YAE1: variants seen among roughly 807,000 people sequenced by gnomAD.
The protein encoded by YAE1 is YAE1 maturation factor of ABCE1.
In YAE1, 22 loss-of-function variants were observed where a neutral mutation model predicts 23.0. The ratio of observed to expected loss-of-function variants is 0.96; its 90% CI spans 0.68 to 1.37. The LOEUF (loss-of-function observed/expected upper bound fraction) is 1.37, where lower values mean the gene tolerates loss of function less well. Among genes scored for constraint, YAE1 ranks in the 40% most tolerant of loss-of-function variants. The pLI is 0.00. For missense variants in YAE1, 260 were observed against 262.1 expected (o/e 0.99, Z 0.06); for synonymous variants, 101 against 97.0 (o/e 1.04, Z -0.24).
At chr7:39,610,523 C>T (rs1440364313), downstream of YAE1, among the ~76,000 whole-genome samples, 1 of 152,122 alleles carries the variant, frequency 6.6e-6, no homozygotes, top group Admixed American at 6.5e-5. Context: ...TTTTTCCAAA[C>T]AAAAATACCT....
chr7:39,583,236 T>G (rs573604983), intron 2 of YAE1, among the ~76,000 whole-genome samples: 5 of 152,350 alleles, frequency 3.3e-5, no homozygotes, highest in South Asian at 4.1e-4. Flanking sequence ...ATAAAATGTA[T>G]ACATGTGGAC....
chr7:39,570,902 G>T (rs1790554434), intron 2 of YAE1: 2 of 314,250 alleles, frequency 6.4e-6, no homozygotes, highest in South Asian at 6.5e-5. Context: ...TCATTGAAAG[G>T]TCTTCAGATT....
At position 39,567,852 on chromosome 7, in the gene YAE1, C is replaced by G. The variant is rs534046482; in HGVS notation, c.129+1305C>G. On this transcript the variant is annotated intron_variant, in intron 1 of 2. Transcript: ENST00000223273. ...CAGAAATTGTCTACTACATAATGGT[C>G]AGTTGATTCATTGTATTTATGGTTT... Among the ~76,000 whole-genome samples, 13 of 152,214 alleles carry G rather than the reference C, an allele frequency of 8.5e-5. No individual in the cohort carries two copies. The South Asian group carries it at 2.7e-3, about 32-fold the overall frequency.
chr7:39,586,784 A>G (rs920751271), intron 2 of YAE1, among the ~76,000 whole-genome samples: 3 of 152,126 alleles, frequency 2.0e-5, no homozygotes, highest in African/African-American at 7.2e-5. Flanking sequence ...GGCGTGAGCC[A>G]CTGCAGTCGG....
chr7:39,607,203 C>T (rs1217439474), intron 2 of YAE1, among the ~76,000 whole-genome samples: 2 of 152,058 alleles, frequency 1.3e-5, no homozygotes, highest in Admixed American at 6.6e-5. Flanking sequence ...TCACTGTGGT[C>T]GATAGAATAA....
At chr7:39,598,144 C>G (rs998719443) in intron 2 of YAE1, among the ~76,000 whole-genome samples, 2 of 151,892 alleles carry the variant, frequency 1.3e-5, no homozygotes, top group East Asian at 3.9e-4. Flanking sequence ...GAGCCTCACT[C>G]TGTCACCCAG....
downstream of YAE1, among the ~76,000 whole-genome samples, chr7:39,575,991 ACT>A (rs1458009258): frequency 3.9e-5 from 6 of 152,034 alleles, no homozygotes; most frequent in East Asian, 7.7e-4. Flanking sequence ...ACTCTCCCCG[ACT>A]CTGACTGCTG....
exon 3 of YAE1, chr7:39,609,832 G>T: frequency 6.5e-7 from 1 of 1,533,004 alleles, no homozygotes; most frequent in Non-Finnish European, 8.7e-7. Flanking sequence ...CGGGCCCCAG[G>T]CCCTGGGACG....
At chr7:39,571,910 A>G (rs1790573744) in intron 2 of YAE1, among the ~76,000 whole-genome samples, 1 of 152,200 alleles carries the variant, frequency 6.6e-6, no homozygotes, top group Admixed American at 6.5e-5. Context: ...ACTTAAAAAA[A>G]AGATACCCCC....
chr7:39,575,390 C>T (rs1272762665), downstream of YAE1, among the ~76,000 whole-genome samples: 1 of 152,100 alleles, frequency 6.6e-6, no homozygotes, highest in Non-Finnish European at 1.5e-5. Context: ...TGCGTCCTTA[C>T]CTAATATATA....
intron 2 of YAE1, among the ~76,000 whole-genome samples, chr7:39,604,175 G>A (rs568633070): frequency 6.6e-6 from 1 of 152,290 alleles, no homozygotes; most frequent in East Asian, 1.9e-4. Context: ...AGCTGTGCCT[G>A]TCAACACATC....
chr7:39,607,632 C>T lies in YAE1; in HGVS notation c.252-1985C>T, dbSNP rs1380596945. ...TTAAGTTTGTGGTAATTGATCACGGCAGCAATAGAAAACTAATATATTTGG... is the reference window on the plus strand; with the variant it reads ...TTAAGTTTGTGGTAATTGATCACGGTAGCAATAGAAAACTAATATATTTGG... On this transcript the variant is annotated intron_variant, in intron 2 of 2. Coordinates refer to the YAE1 transcript ENST00000432096. Among the ~76,000 whole-genome samples the T allele has an allele frequency of 3.3e-5, 5 of 152,160 alleles. No homozygotes were observed. In the East Asian group the frequency reaches 9.6e-4, roughly 29 times the overall value.
chr7:39,581,796 CAGG>C (rs899630649), intron 2 of YAE1, among the ~76,000 whole-genome samples: 1 of 151,702 alleles, frequency 6.6e-6, no homozygotes, highest in African/African-American at 2.4e-5. Flanking sequence ...GGCTTAAGCC[CAGG>C]AGTTCAAGGC....
chr7:39,606,823 A>G (rs935109119), intron 2 of YAE1, among the ~76,000 whole-genome samples: 1 of 152,278 alleles, frequency 6.6e-6, no homozygotes, highest in Non-Finnish European at 1.5e-5. Flanking sequence ...ACTGCAGAAT[A>G]TAATCATTTT....
intron 2 of YAE1, among the ~76,000 whole-genome samples, chr7:39,582,267 A>C (rs978518364): frequency 6.6e-6 from 1 of 152,124 alleles, no homozygotes; most frequent in Non-Finnish European, 1.5e-5. Context: ...TCCTGGGCTC[A>C]AGTGATCCTC....
intron 1 of YAE1, among the ~76,000 whole-genome samples, chr7:39,568,336 T>A (rs1790509284): frequency 6.6e-6 from 1 of 152,016 alleles, no homozygotes; most frequent in Non-Finnish European, 1.5e-5. Flanking sequence ...TTTCTGTATA[T>A]GATGCCAAAG....
chr7:39,609,818 G>A (rs1236064654), exon 3 of YAE1: 2 of 1,531,602 alleles, frequency 1.3e-6, no homozygotes, highest in South Asian at 2.4e-5. Flanking sequence ...TCCCCGCCCG[G>A]CTCCGGGCCC....
chr7:39,591,226 A>G (rs1264775452), intron 2 of YAE1, among the ~76,000 whole-genome samples: 2 of 152,210 alleles, frequency 1.3e-5, no homozygotes, highest in East Asian at 3.8e-4. Flanking sequence ...GTAACCTTTT[A>G]GAATACCTTT....
chr7:39,608,797 A>T (rs1490197442), intron 2 of YAE1, among the ~76,000 whole-genome samples: 2 of 152,180 alleles, frequency 1.3e-5, no homozygotes, highest in African/African-American at 4.8e-5. Flanking sequence ...AAGCATTCAG[A>T]TATGGAGTGT....
Sources: allele counts gnomAD v4.1 joint callset (sites outside exome capture counted in the v4.1 genomes callset), GRCh38; gene constraint gnomAD v4.1.1; transcripts MANE v1.5; gene names NCBI Gene and HGNC (gene_info 2026-07-23, HGNC 2026-07-21).